Variants in BMP5 observed in about 807,000 individuals in gnomAD.
The protein encoded by BMP5 is bone morphogenetic protein 5.
Under a neutral mutation model 46.6 loss-of-function variants are expected in BMP5, and 23 were observed. The observed-to-expected ratio is 0.49, with a 90% CI of 0.35 to 0.70. The LOEUF (loss-of-function observed/expected upper bound fraction) is 0.70, where lower values mean the gene tolerates loss of function less well. Ranked by LOEUF, BMP5 falls within the 30% of genes least tolerant of loss-of-function variation. The pLI is 0.00. For missense variants in BMP5, 545 were observed against 565.6 expected (o/e 0.96, Z 0.37); for synonymous variants, 204 against 191.9 (o/e 1.06, Z -0.52).
chr6:55,833,540 T>G (rs570580832), intron 1 of BMP5, among the ~76,000 whole-genome samples: 3 of 152,208 alleles, frequency 2.0e-5, no homozygotes, highest in Non-Finnish European at 4.4e-5. Context: ...TAGGAAGCCA[T>G]GTAAATAATC....
At chr6:55,773,963 G>C (rs1013305227) in intron 4 of BMP5, 86 bp downstream of exon 4, 1 of 1,419,228 alleles carries the variant, frequency 7.0e-7, no homozygotes, top group Admixed American at 1.7e-5. Context: ...GGTATACATA[G>C]AGGGTAAATT....
intron 1 of BMP5, among the ~76,000 whole-genome samples, chr6:55,840,895 T>A (rs1411911758): frequency 6.6e-6 from 1 of 152,054 alleles, no homozygotes; most frequent in African/African-American, 2.4e-5. Context: ...AGAAAAGGGG[T>A]CTCCAACCCC....
intron 3 of BMP5, among the ~76,000 whole-genome samples, chr6:55,782,938 C>T (rs772816069): frequency 6.6e-6 from 1 of 152,096 alleles, no homozygotes; most frequent in Non-Finnish European, 1.5e-5. Context: ...TATGCTTTTC[C>T]TCTAAGTACA....
At chr6:55,795,338 G>C (rs1219632681) in intron 2 of BMP5, among the ~76,000 whole-genome samples, 2 of 151,996 alleles carry the variant, frequency 1.3e-5, no homozygotes, top group African/African-American at 4.8e-5. Flanking sequence ...CCTCAAGATA[G>C]AGTAGAAATA....
At chr6:55,873,644 T>C (rs373196919) in intron 1 of BMP5, among the ~76,000 whole-genome samples, 5 of 151,950 alleles carry the variant, frequency 3.3e-5, no homozygotes, top group East Asian at 3.9e-4. Flanking sequence ...AATATTGTTG[T>C]GGTTTACAGA....
chr6:55,818,727 C>T (rs942787190), intron 2 of BMP5, among the ~76,000 whole-genome samples: 1 of 152,024 alleles, frequency 6.6e-6, no homozygotes, highest in African/African-American at 2.4e-5. Context: ...CAAATCTAAA[C>T]ATCAAGAACT....
chr6:55,831,714 G>T (rs142786065), intron 1 of BMP5, among the ~76,000 whole-genome samples: 2 of 151,926 alleles, frequency 1.3e-5, no homozygotes, highest in East Asian at 3.9e-4. Flanking sequence ...AAAAGAAAAA[G>T]GAAATCATCA....
At chr6:55,757,556 C>T (rs2127514313) in intron 6 of BMP5, among the ~76,000 whole-genome samples, 1 of 151,950 alleles carries the variant, frequency 6.6e-6, no homozygotes, top group South Asian at 2.1e-4. Context: ...CCTTGCAAAG[C>T]CTACCTACAC....
rs74524039 is a variant in BMP5 at position 55,813,367 on chromosome 6, G to A, written c.683+6288C>T. Among the ~76,000 whole-genome samples the A allele has an allele frequency of 4.5e-3, 689 of 151,576 alleles. 4 individuals carry two copies. The highest frequency in any genetic ancestry group is 0.017 in the Middle Eastern group (5 of 292). On this transcript the variant is annotated intron_variant, in intron 2 of 6. Coordinates refer to ENST00000370830, the MANE Select transcript of BMP5 (RefSeq NM_021073.4). ...CACAGCCTGCAATGAATATTTGATGGGTTCCTTCAATCTGTTTTATATATA... is the reference window on the plus strand; with the variant it reads ...CACAGCCTGCAATGAATATTTGATGAGTTCCTTCAATCTGTTTTATATATA...
chr6:55,849,265 A>G (rs1274939658), intron 1 of BMP5, among the ~76,000 whole-genome samples: 1 of 152,050 alleles, frequency 6.6e-6, no homozygotes, highest in Non-Finnish European at 1.5e-5. Context: ...AGCAAGAACT[A>G]AGACTTGTTG....
chr6:55,799,866 C>T (rs957681666), intron 2 of BMP5, among the ~76,000 whole-genome samples: 2 of 152,182 alleles, frequency 1.3e-5, no homozygotes, highest in Admixed American at 1.3e-4. Flanking sequence ...TCTTCAGCCT[C>T]TCAGATTCCT....
At chr6:55,772,718 T>C in intron 4 of BMP5, 1 of 980,970 alleles carries the variant, frequency 1.0e-6, no homozygotes, top group Non-Finnish European at 1.2e-6. Flanking sequence ...TGGTTAAATT[T>C]CTTTGTTGGA....
At chr6:55,766,147 T>C (rs553128086) in intron 4 of BMP5, among the ~76,000 whole-genome samples, 2 of 152,282 alleles carry the variant, frequency 1.3e-5, no homozygotes, top group African/African-American at 4.8e-5. Flanking sequence ...GGTATCCTGT[T>C]GGAAGCCCTT....
chr6:55,784,321 T>C (rs1775395148), intron 3 of BMP5, among the ~76,000 whole-genome samples: 1 of 151,888 alleles, frequency 6.6e-6, no homozygotes, highest in African/African-American at 2.4e-5. Flanking sequence ...AACAAAGAGA[T>C]GCAAGTCTTC....
intron 2 of BMP5, among the ~76,000 whole-genome samples, chr6:55,796,772 T>C (rs1180839903): frequency 6.6e-6 from 1 of 151,686 alleles, no homozygotes; most frequent in Non-Finnish European, 1.5e-5. Flanking sequence ...GTTCTTGCGA[T>C]AGTTTACTGA....
intron 3 of BMP5, among the ~76,000 whole-genome samples, chr6:55,780,294 T>C (rs1356066155): frequency 1.3e-5 from 2 of 151,036 alleles, no homozygotes; most frequent in African/African-American, 2.4e-5. Flanking sequence ...CACACTGATA[T>C]GAACTATGAG....
chr6:55,868,605 T>C (rs1193755335), intron 1 of BMP5, among the ~76,000 whole-genome samples: 1 of 152,200 alleles, frequency 6.6e-6, no homozygotes, highest in Non-Finnish European at 1.5e-5. Context: ...ACATTGTACA[T>C]TTTCATAGAT....
intron 1 of BMP5, among the ~76,000 whole-genome samples, chr6:55,836,289 G>A (rs896863506): frequency 2.6e-5 from 4 of 151,984 alleles, no homozygotes; most frequent in African/African-American, 9.7e-5. Flanking sequence ...GATTATTATT[G>A]GATTTTTGCA....
In BMP5 at chr6:55,776,413, G is replaced by T. The variant is rs547822680; in HGVS notation, c.833-2170C>A. On this transcript the variant is annotated intron_variant, in intron 3 of 6. Transcript: ENST00000370830. The stretch of plus-strand genomic sequence containing the variant: ...TTATTCAGGTGTAGCACTTGAAATT[G>T]GTTTAAGATGTTTCCAGTGACAGAG... Among the ~76,000 whole-genome samples, 29 of 151,468 alleles carry T rather than the reference G, an allele frequency of 1.9e-4. No individual in the cohort carries two copies. In the South Asian group the frequency reaches 5.6e-3, roughly 29 times the overall value.
Sources: allele counts gnomAD v4.1 joint callset (sites outside exome capture counted in the v4.1 genomes callset), GRCh38; gene constraint gnomAD v4.1.1; transcripts MANE v1.5; gene names NCBI Gene and HGNC (gene_info 2026-07-23, HGNC 2026-07-21).